Variants in SNX4 observed in about 807,000 individuals in gnomAD.
SNX4 encodes sorting nexin-4.
SNX4 carries 49 observed loss-of-function variants against 70.8 expected under a neutral mutation model. That is an observed-to-expected ratio of 0.69 (90% CI 0.55 to 0.88). SNX4 has a LOEUF of 0.88. Ranked by LOEUF, SNX4 falls within the 40% of genes least tolerant of loss-of-function variation. SNX4 has a pLI of 0.00. For synonymous variants in SNX4, 206 were observed against 183.8 expected (o/e 1.12, Z -0.98); for missense variants, 528 against 544.8 (o/e 0.97, Z 0.31).
intron 8 of SNX4, among the ~76,000 whole-genome samples, chr3:125,474,048 C>T (rs1231006302): frequency 2.0e-5 from 3 of 152,172 alleles, no homozygotes; most frequent in African/African-American, 7.2e-5. Context: ...ATCCCTCAAA[C>T]CCACCATTCC....
chr3:125,489,414 G>C lies in SNX4; in HGVS notation c.647C>G (p.Pro216Arg). ...TATTAAAACAAAACCTTACTTGTCTGGGTTTTTCACTCTGAATGTTGCATT... is the reference window on the plus strand; with the variant it reads ...TATTAAAACAAAACCTTACTTGTCTCGGTTTTTCACTCTGAATGTTGCATT... Reference protein sequence around the residue: ...ALNATFRVKNPDKRFTDLKHY... With the variant: ...ALNATFRVKNRDKRFTDLKHY... The change falls in exon 6 of 14, where the codon CCA becomes CGA. Residue 216 changes from proline to arginine, a missense_variant. By Grantham distance (103) the Pro-to-Arg change is moderately radical. This residue lies in a region of SNX4 where 341 missense variants were observed against 312.2 expected (regional missense o/e 1.09). Transcript: ENST00000251775. 3 of 1,611,922 alleles carry C rather than the reference G, an allele frequency of 1.9e-6. No homozygotes were observed. Among genetic ancestry groups the C allele is most frequent in the Non-Finnish European group, 2.5e-6 (3 of 1,178,486 alleles).
intron 8 of SNX4, among the ~76,000 whole-genome samples, chr3:125,470,652 C>T (rs80167575): frequency 0.023 from 3,513 of 151,946 alleles, 143 homozygotes; most frequent in African/African-American, 0.08. Flanking sequence ...AGAAAAGACT[C>T]CAAGAATGCC....
chr3:125,485,093 C>A (rs1339801616), intron 6 of SNX4, among the ~76,000 whole-genome samples: 1 of 151,508 alleles, frequency 6.6e-6, no homozygotes, highest in Non-Finnish European at 1.5e-5. Context: ...AAACAAAAAA[C>A]CAGCCAGCCA....
chr3:125,453,978 G>T, intron 11 of SNX4, 23 bp from the exon 12 acceptor site: 1 of 1,604,774 alleles, frequency 6.2e-7, no homozygotes, highest in South Asian at 1.1e-5. Context: ...AGAAACAGAT[G>T]AATGGATAAA....
intron 1 of SNX4, among the ~76,000 whole-genome samples, chr3:125,515,489 T>C (rs1254291225): frequency 1.3e-5 from 2 of 151,028 alleles, no homozygotes; most frequent in Non-Finnish European, 3.0e-5. Flanking sequence ...TAGGGAGATC[T>C]TGTCTCTACA....
At chr3:125,475,866 T>C (rs1934278733) in intron 8 of SNX4, among the ~76,000 whole-genome samples, 1 of 151,926 alleles carries the variant, frequency 6.6e-6, no homozygotes, top group African/African-American at 2.4e-5. Context: ...TGGTCTCAGC[T>C]ACTTGGGAGG....
At chr3:125,453,189 G>GA (rs1933621221) in intron 12 of SNX4, among the ~76,000 whole-genome samples, 1 of 152,170 alleles carries the variant, frequency 6.6e-6, no homozygotes, top group Non-Finnish European at 1.5e-5. Context: ...CACTGACTTT[G>GA]AAGGGCTTAA....
intron 9 of SNX4, among the ~76,000 whole-genome samples, chr3:125,465,017 T>G (rs141248158): frequency 0.021 from 3,173 of 152,090 alleles, 108 homozygotes; most frequent in African/African-American, 0.072. Flanking sequence ...AGTACTAGGA[T>G]TACAGGCTTG....
chr3:125,492,770 A>T (rs1221435307), intron 5 of SNX4, among the ~76,000 whole-genome samples: 1 of 152,230 alleles, frequency 6.6e-6, no homozygotes, highest in Non-Finnish European at 1.5e-5. Context: ...AACGCTTAGA[A>T]GAGTACCTCA....
intron 12 of SNX4, among the ~76,000 whole-genome samples, chr3:125,453,097 G>A (rs1051466125): frequency 6.6e-6 from 1 of 152,170 alleles, no homozygotes; most frequent in African/African-American, 2.4e-5. Flanking sequence ...TCTGAGAACT[G>A]AATTTCTAGA....
intron 6 of SNX4, among the ~76,000 whole-genome samples, chr3:125,480,764 C>G (rs905485972): frequency 6.6e-6 from 1 of 152,160 alleles, no homozygotes; most frequent in Non-Finnish European, 1.5e-5. Context: ...ATCTGTCATT[C>G]TCCAAACAAC....
chr3:125,498,174 C>T lies in SNX4; in HGVS notation c.284G>A (p.Gly95Asp). 1 of 1,613,912 alleles carries T rather than the reference C, an allele frequency of 6.2e-7. No homozygotes were observed. ...TAGTGAGTCTGTTAGGACACTCTGA[C>T]CATCGGTATGTTCAACTGACCTGAA... Reference protein sequence around the residue: ...IETRSVEHTDGQSVLTDSLWR... With the variant: ...IETRSVEHTDDQSVLTDSLWR... The change falls in exon 3 of 14, where the codon GGT becomes GAT. Residue 95 changes from glycine (G) to aspartate (D), a missense_variant. Coordinates refer to ENST00000251775, the MANE Select transcript of SNX4 (RefSeq NM_003794.4).
At chr3:125,491,201 C>T (rs1002526755) in intron 5 of SNX4, among the ~76,000 whole-genome samples, 2 of 152,078 alleles carry the variant, frequency 1.3e-5, no homozygotes, top group Admixed American at 6.6e-5. Flanking sequence ...ATCCTTCTTA[C>T]ATCTCAAGGA....
chr3:125,462,357 C>T (rs1291188686), intron 9 of SNX4, among the ~76,000 whole-genome samples: 1 of 151,860 alleles, frequency 6.6e-6, no homozygotes, highest in Admixed American at 6.6e-5. Flanking sequence ...AAAGCTGTAA[C>T]TGGAGATTGT....
chr3:125,474,841 T>C (rs372153254), intron 8 of SNX4, among the ~76,000 whole-genome samples: 2 of 151,884 alleles, frequency 1.3e-5, no homozygotes, highest in Non-Finnish European at 2.9e-5. Context: ...TTATGTTAAT[T>C]CCCCCCCACA....
intron 9 of SNX4, among the ~76,000 whole-genome samples, chr3:125,465,556 T>A (rs900551723): frequency 1.3e-5 from 2 of 151,562 alleles, no homozygotes; most frequent in Non-Finnish European, 2.9e-5. Flanking sequence ...GCCTAGTAAA[T>A]CTTGAAAGTA....
At chr3:125,497,724 T>G (rs1444774558) in intron 4 of SNX4, 110 bp downstream of exon 4, 29 of 751,902 alleles carry the variant, frequency 3.9e-5, no homozygotes, top group Non-Finnish European at 4.3e-5. Flanking sequence ...TAACAAAAAA[T>G]AAATTGCATA....
chr3:125,498,119 C>T lies in SNX4; in HGVS notation c.339G>A (p.Leu113=). Residue 113 remains leucine, a synonymous_variant, in exon 3 of 14, where the codon TTG becomes TTA. Transcript: ENST00000251775. ...GATAGTAAACTAAAAGGTAGCTTCT[C>T]AACAACTCAAATTCACTATATCGCC... The part of the protein sequence containing the change: ...LWRRYSEFEL[L]RSYLLVYYPH... 6.2e-7 allele frequency: 1 copy of T among 1,614,174 alleles called. No individual in the cohort carries two copies. Among genetic ancestry groups the T allele is most frequent in the Non-Finnish European group, 8.5e-7 (1 of 1,180,014 alleles).
intron 1 of SNX4, among the ~76,000 whole-genome samples, chr3:125,507,228 T>A (rs576992340): frequency 1.1e-4 from 16 of 147,812 alleles, no homozygotes; most frequent in Non-Finnish European, 1.8e-4. Flanking sequence ...AAAAAGAAAT[T>A]CTGGAGCTGA....
Sources: gnomAD v4.1 joint callset for allele counts (sites outside exome capture counted in the v4.1 genomes callset) on GRCh38, gnomAD v4.1.1 for gene constraint, gnomAD v4.1.1 regional missense constraint, MANE v1.5 for transcripts, NCBI Gene and HGNC (gene_info 2026-07-23, HGNC 2026-07-21) for gene names.